The following ITFG1 variants were observed in gnomAD, a reference collection of about 807,000 sequenced individuals.
The protein encoded by ITFG1 is T-cell immunomodulatory protein.
ITFG1 carries 34 observed loss-of-function variants against 81.8 expected under a neutral mutation model. The ratio of observed to expected loss-of-function variants is 0.42; its 90% CI spans 0.32 to 0.55. The LOEUF (loss-of-function observed/expected upper bound fraction) is 0.55, where lower values mean the gene tolerates loss of function less well. Among genes scored for constraint, ITFG1 ranks in the 20% least tolerant of loss-of-function variants. The probability of loss-of-function intolerance (pLI) is 0.17; values close to 1 mark genes in which losing one functional copy is unlikely to be tolerated. For missense variants in ITFG1, 672 were observed against 755.4 expected, an observed-to-expected ratio of 0.89 and a Z score of 1.29; for synonymous variants, 285 against 270.6, an observed-to-expected ratio of 1.05 and a Z score of -0.52.
At chr16:47,374,291 A>G (rs1968296314) in intron 7 of ITFG1, among the ~76,000 whole-genome samples, 1 of 152,112 alleles carries the variant, frequency 6.6e-6, no homozygotes, top group Non-Finnish European at 1.5e-5. Context: ...AAGAAGAAAA[A>G]CCCTTAGTCC....
intron 10 of ITFG1, among the ~76,000 whole-genome samples, chr16:47,301,650 C>T (rs1967078609): frequency 6.6e-6 from 1 of 152,178 alleles, no homozygotes; most frequent in African/African-American, 2.4e-5. Flanking sequence ...TCCACCTCAG[C>T]CTCCCAAAGT....
intron 5 of ITFG1, among the ~76,000 whole-genome samples, chr16:47,439,287 C>T (rs1969212611): frequency 6.6e-6 from 1 of 152,102 alleles, no homozygotes; most frequent in South Asian, 2.1e-4. Context: ...GAGAACTTCC[C>T]CGATCTAGCA....
chr16:47,234,551 GA>G (rs1304299523), intron 13 of ITFG1, among the ~76,000 whole-genome samples: 5 of 151,956 alleles, frequency 3.3e-5, no homozygotes, highest in Non-Finnish European at 7.4e-5. Context: ...ACAGAACCAG[GA>G]AGCTCAGAGA....
rs115677609 is a variant in ITFG1, at chr16:47,244,453, G to A, written c.1331-6445C>T. Among the ~76,000 whole-genome samples, 1,080 of 152,224 alleles carry A rather than the reference G, an allele frequency of 7.1e-3. 15 individuals carry two copies. The highest frequency in any genetic ancestry group is 0.025 in the African/African-American group (1,035 of 41,528). ...GATTGATTGGTTGGTGTACGGAGGG[G>A]GAAGGCAGAATCCCTACATATTTTG... On this transcript the variant is annotated intron_variant, in intron 12 of 17. Transcript: ENST00000320640.
At chr16:47,225,083 C>A (rs192932342) in intron 13 of ITFG1, among the ~76,000 whole-genome samples, 1 of 152,074 alleles carries the variant, frequency 6.6e-6, no homozygotes, top group Non-Finnish European at 1.5e-5. Flanking sequence ...TGTCTCACCA[C>A]AGTAACAATA....
chr16:47,420,678 T>A (rs552789261), intron 6 of ITFG1, among the ~76,000 whole-genome samples: 1 of 152,234 alleles, frequency 6.6e-6, no homozygotes, highest in South Asian at 2.1e-4. Context: ...TCTCGTGTCC[T>A]ATTTTTTGCT....
intron 4 of ITFG1, among the ~76,000 whole-genome samples, chr16:47,452,216 G>A (rs1969398356): frequency 6.6e-6 from 1 of 152,152 alleles, no homozygotes; most frequent in Admixed American, 6.5e-5. Flanking sequence ...CTTTGCTCTA[G>A]TCCCGGGAAT....
At chr16:47,332,626 A>G (rs114686646) in intron 8 of ITFG1, among the ~76,000 whole-genome samples, 3,256 of 152,326 alleles carry the variant, frequency 0.021, 114 homozygotes, top group African/African-American at 0.074. Context: ...AAAAGGCCAT[A>G]GAAATTATGT....
chr16:47,306,804 G>A (rs1012032107), intron 10 of ITFG1, among the ~76,000 whole-genome samples: 23 of 151,806 alleles, frequency 1.5e-4, no homozygotes, highest in African/African-American at 4.6e-4. Context: ...ATAATAAAAC[G>A]GAGAAAGAGG....
At chr16:47,340,507 G>A (rs1195668900) in intron 8 of ITFG1, among the ~76,000 whole-genome samples, 1 of 151,748 alleles carries the variant, frequency 6.6e-6, no homozygotes, top group Admixed American at 6.6e-5. Context: ...TAATACCCAT[G>A]GTAACCACAA....
chr16:47,364,932 T>C (rs1968155458), intron 8 of ITFG1, among the ~76,000 whole-genome samples: 1 of 152,206 alleles, frequency 6.6e-6, no homozygotes, highest in Non-Finnish European at 1.5e-5. Context: ...GCTCAAACAG[T>C]CCTACCAAGT....
chr16:47,404,250 T>C (rs1335622751), intron 6 of ITFG1, among the ~76,000 whole-genome samples: 2 of 152,262 alleles, frequency 1.3e-5, no homozygotes, highest in East Asian at 3.9e-4. Context: ...CTTTCCAATC[T>C]GCCTTTAATG....
intron 10 of ITFG1, among the ~76,000 whole-genome samples, chr16:47,307,555 G>A (rs994932143): frequency 3.3e-5 from 5 of 152,248 alleles, no homozygotes; most frequent in Admixed American, 6.5e-5. Flanking sequence ...GAAGGCAAGC[G>A]AACGTAGCAA....
At chr16:47,456,847 T>C (rs1408177367) in intron 2 of ITFG1, among the ~76,000 whole-genome samples, 1 of 151,934 alleles carries the variant, frequency 6.6e-6, no homozygotes, top group Non-Finnish European at 1.5e-5. Context: ...ACATAGTAAG[T>C]CTACAAAAGG....
Position 47,461,030 on chromosome 16 carries a change from G to T in ITFG1, c.16C>A (p.Arg6=), listed in dbSNP as rs370245458. The T allele has an allele frequency of 1.3e-6, 2 of 1,541,686 alleles. No individual in the cohort carries two copies. The highest frequency in any genetic ancestry group is 1.4e-5 in the African/African-American group (1 of 72,850). The change falls in exon 1 of 18, where the codon CGG becomes AGG. Residue 6 remains arginine (R), a synonymous_variant. Coordinates refer to ENST00000320640, the MANE Select transcript of ITFG1 (RefSeq NM_030790.5). MAAAG[R]LPSSWALFSP... Reference sequence around the variant, plus strand: ...AAGAGGGCCCAGGAGCTCGGGAGCCGGCCCGCCGCCGCCATGGCAGCCCCT... The same window carrying T: ...AAGAGGGCCCAGGAGCTCGGGAGCCTGCCCGCCGCCGCCATGGCAGCCCCT...
chr16:47,256,113 G>A (rs184651568), intron 12 of ITFG1, among the ~76,000 whole-genome samples: 2 of 152,090 alleles, frequency 1.3e-5, no homozygotes, highest in African/African-American at 4.8e-5. Flanking sequence ...ACAGTCACGC[G>A]TCACCACGCC....
chr16:47,420,778 G>A (rs1001089048), intron 6 of ITFG1, among the ~76,000 whole-genome samples: 6 of 152,140 alleles, frequency 3.9e-5, no homozygotes, highest in Admixed American at 6.5e-5. Flanking sequence ...TGCTGGTACC[G>A]TGTTCCTTGT....
chr16:47,444,589 C>G (rs548182796), intron 5 of ITFG1, among the ~76,000 whole-genome samples: 7 of 151,926 alleles, frequency 4.6e-5, no homozygotes, highest in African/African-American at 1.7e-4. Context: ...TAACAGGATA[C>G]AGAAAATAGT....
chr16:47,383,486 G>A (rs1266601258), intron 6 of ITFG1, among the ~76,000 whole-genome samples: 1 of 152,126 alleles, frequency 6.6e-6, no homozygotes, highest in African/African-American at 2.4e-5. Context: ...CCTCATTATA[G>A]ATTTACAAAG....
Sources: allele counts gnomAD v4.1 joint callset (sites outside exome capture counted in the v4.1 genomes callset), GRCh38; gene constraint gnomAD v4.1.1; transcripts MANE v1.5; gene names NCBI Gene and HGNC (gene_info 2026-07-23, HGNC 2026-07-21).